The following SLK variants were observed in gnomAD, a reference collection of about 807,000 sequenced individuals.
The protein encoded by SLK is STE20-like serine/threonine-protein kinase.
SLK carries 67 observed loss-of-function variants against 147.7 expected under a neutral mutation model. That is an observed-to-expected ratio of 0.45 (90% CI 0.37 to 0.56). The LOEUF is 0.56. SLK is among the 20% of genes least tolerant of loss of function. The pLI is 0.00. For missense variants in SLK, 1,136 were observed against 1,438.8 expected (o/e 0.79, Z 3.41); for synonymous variants, 441 against 475.0 (o/e 0.93, Z 0.93).
At position 104,021,686 on chromosome 10, in the gene SLK, A is replaced by G. The variant is rs899820576; in HGVS notation, c.3514A>G (p.Ser1172Gly). ...ACTGAAGGAGTTAGATGAGGAACAT[A>G]GCCAAGAATTAAAGGAGTGGAGAGA... ...QKLKELDEEH[S>G]QELKEWREKL... The change falls in exon 18 of 19, where the codon AGC becomes GGC. Residue 1172 changes from serine (S) to glycine (G), a missense_variant. Ser to Gly is a moderately conservative substitution (Grantham distance 56, BLOSUM62 0). Coordinates refer to ENST00000369755, the MANE Select transcript of SLK (RefSeq NM_014720.4). 1 of 1,610,820 alleles carries G rather than the reference A, an allele frequency of 6.2e-7. No individual in the cohort carries two copies. Among genetic ancestry groups the G allele is most frequent in the African/African-American group, 1.3e-5 (1 of 74,836 alleles).
chr10:103,981,191 TG>T (rs1196893949), intron 1 of SLK, among the ~76,000 whole-genome samples: 102 of 120,910 alleles, frequency 8.4e-4, no homozygotes, highest in Non-Finnish European at 1.2e-3. Context: ...GGGTTTTTTT[TG>T]TTGTTGTTGT....
At chr10:103,974,022 A>G (rs1174994523) in intron 1 of SLK, among the ~76,000 whole-genome samples, 3 of 152,108 alleles carry the variant, frequency 2.0e-5, no homozygotes, top group Non-Finnish European at 2.9e-5. Flanking sequence ...TTCTCTTAAT[A>G]GCCTTTAGGA....
Position 104,019,924 on chromosome 10 carries a change from T to C in SLK, c.3321+2T>C. On this transcript the variant is annotated splice_donor_variant, in intron 16 of 18. Transcript: ENST00000369755. LOFTEE classifies it high-confidence loss of function. ...CAGGACCGTGATAAAATTAAACAGG[T>C]AAATATGCAAGTTAGTCTCTTCTCT... is the stretch of plus-strand genomic sequence containing the variant. The C allele has an allele frequency of 6.2e-7, 1 of 1,605,380 alleles. No individual in the cohort carries two copies. Among genetic ancestry groups the C allele is most frequent in the Non-Finnish European group, 8.5e-7 (1 of 1,173,674 alleles).
chr10:103,997,816 A>C (rs2476954), intron 4 of SLK, among the ~76,000 whole-genome samples: 32,402 of 151,602 alleles, frequency 0.21, 3,833 homozygotes, highest in African/African-American at 0.32. Flanking sequence ...GCTTATTTTG[A>C]AATAGGATGT....
intron 3 of SLK, 123 bp downstream of exon 3, chr10:103,992,769 CA>C (rs1844117619): frequency 5.1e-6 from 1 of 196,116 alleles, no homozygotes; most frequent in African/African-American, 3.2e-5. Context: ...TAAGTTAACT[CA>C]AGTATGTTTT....
intron 7 of SLK, among the ~76,000 whole-genome samples, chr10:104,000,751 G>C (rs1844234829): frequency 6.6e-6 from 1 of 152,090 alleles, no homozygotes; most frequent in Non-Finnish European, 1.5e-5. Context: ...TATAGAGATG[G>C]TTACTTTTTA....
chr10:104,001,588 A>C lies in SLK; in HGVS notation c.993+16A>C. The stretch of plus-strand genomic sequence containing the variant: ...AAATTCTCTGGTCAGTATTTAGGAA[A>C]GAAATTTCATTTAGTGAATAGAGTT... On this transcript the variant is annotated intron_variant, in intron 8 of 18. Transcript: ENST00000369755. The C allele has an allele frequency of 6.2e-7, 1 of 1,613,208 alleles. No homozygotes were observed. The highest frequency in any genetic ancestry group is 8.5e-7 in the Non-Finnish European group (1 of 1,179,464).
intron 13 of SLK, among the ~76,000 whole-genome samples, chr10:104,017,367 C>T (rs1844477528): frequency 1.3e-5 from 2 of 152,188 alleles, no homozygotes; most frequent in Admixed American, 1.3e-4. Flanking sequence ...CAGAAACTAT[C>T]TTCTTCTGTT....
chr10:103,998,454 A>G (rs941400648), intron 4 of SLK, among the ~76,000 whole-genome samples: 3 of 152,158 alleles, frequency 2.0e-5, no homozygotes, highest in Non-Finnish European at 4.4e-5. Flanking sequence ...TTTCTTGACA[A>G]TATAATTTTA....
At chr10:103,993,173 C>G (rs755313398) in intron 4 of SLK, 40 bp downstream of exon 4, 1 of 1,459,356 alleles carries the variant, frequency 6.9e-7, no homozygotes, top group Non-Finnish European at 9.5e-7. Context: ...AATTTTTACT[C>G]TGAAATTTCC....
intron 14 of SLK, 39 bp downstream of exon 14, chr10:104,018,328 A>G (rs1402736076): frequency 1.3e-6 from 2 of 1,565,692 alleles, no homozygotes; most frequent in Non-Finnish European, 1.7e-6. Context: ...CAAAATGTAG[A>G]ATTCCTTATG....
At chr10:104,011,175 T>C (rs1301734895) in intron 13 of SLK, among the ~76,000 whole-genome samples, 3 of 152,388 alleles carry the variant, frequency 2.0e-5, no homozygotes, top group East Asian at 1.9e-4. Flanking sequence ...TCCACTGTTA[T>C]CTGATTTTAA....
At chr10:104,004,098 A>G (rs1229481002) in intron 9 of SLK, among the ~76,000 whole-genome samples, 1 of 151,132 alleles carries the variant, frequency 6.6e-6, no homozygotes, top group Non-Finnish European at 1.5e-5. Context: ...TAAAAAAAAA[A>G]GATCCCACAG....
intron 1 of SLK, among the ~76,000 whole-genome samples, chr10:103,989,743 C>T (rs1488562010): frequency 6.6e-6 from 1 of 152,186 alleles, no homozygotes; most frequent in Non-Finnish European, 1.5e-5. Context: ...GCTGGGATTA[C>T]AGGCGTGAGC....
chr10:104,004,624 A>G (rs758525260), intron 9 of SLK, among the ~76,000 whole-genome samples: 22 of 152,150 alleles, frequency 1.4e-4, no homozygotes, highest in Admixed American at 1.0e-3. Flanking sequence ...GAGAGGATGC[A>G]GAAAGGTGAT....
intron 12 of SLK, 70 bp downstream of exon 12, chr10:104,008,426 G>A: frequency 1.9e-6 from 2 of 1,069,868 alleles, no homozygotes; most frequent in Non-Finnish European, 2.7e-6. Flanking sequence ...GACTATCTAA[G>A]GATTTAGGAA....
At chr10:104,001,794 C>G (rs890692014) in intron 8 of SLK, among the ~76,000 whole-genome samples, 9 of 152,180 alleles carry the variant, frequency 5.9e-5, no homozygotes, top group African/African-American at 2.2e-4. Context: ...GTGGTCACTA[C>G]AACCTCTGCC....
chr10:104,011,972 A>G (rs901608289), intron 13 of SLK, among the ~76,000 whole-genome samples: 1 of 152,240 alleles, frequency 6.6e-6, no homozygotes, highest in Admixed American at 6.5e-5. Flanking sequence ...GATTAAATTT[A>G]TGCTAAGCCT....
intron 1 of SLK, among the ~76,000 whole-genome samples, chr10:103,971,652 A>G (rs17116203): frequency 0.12 from 18,735 of 152,298 alleles, 1,481 homozygotes; most frequent in East Asian, 0.44. Context: ...CTAGAAAGCT[A>G]TTTTATCTAT....
Sources: allele counts gnomAD v4.1 joint callset (sites outside exome capture counted in the v4.1 genomes callset), GRCh38; gene constraint gnomAD v4.1.1; transcripts MANE v1.5; gene names NCBI Gene and HGNC (gene_info 2026-07-23, HGNC 2026-07-21).